GAA: variants seen among roughly 807,000 people sequenced by gnomAD.
GAA encodes the protein lysosomal alpha-glucosidase.
GAA carries 88 observed loss-of-function variants against 103.9 expected under a neutral mutation model. The observed-to-expected ratio is 0.85, with a 90% CI of 0.71 to 1.01. The LOEUF (loss-of-function observed/expected upper bound fraction) is 1.01, where lower values mean the gene tolerates loss of function less well. Among genes scored for constraint, GAA ranks in the 50% least tolerant of loss-of-function variants. GAA has a pLI of 0.00. For missense variants in GAA, 1,350 were observed against 1,305.3 expected, an observed-to-expected ratio of 1.03 and a Z score of -0.53; for synonymous variants, 572 against 563.1, an observed-to-expected ratio of 1.02 and a Z score of -0.22.
Position 80,119,627 on chromosome 17 carries a change from G to A in GAA, c.*296G>A, listed in dbSNP as rs1192883381. 3.1e-5 allele frequency: 13 copies of A among 414,044 alleles called. No homozygotes were observed. The highest frequency in any genetic ancestry group is 2.3e-4 in the South Asian group (11 of 48,000). The allele number at this position is 414,044 out of a possible 1,614,324, so 25.6% of individuals were successfully genotyped here. Reference sequence around the variant, plus strand: ...CTCCTCACCTGTTGCCGGCATGCGGGTAGTATTAGCCACCCCCCTCCATCT... The same window carrying A: ...CTCCTCACCTGTTGCCGGCATGCGGATAGTATTAGCCACCCCCCTCCATCT... On this transcript the variant is annotated 3_prime_UTR_variant, in exon 20 of 20. Coordinates refer to ENST00000302262, the MANE Select transcript of GAA (RefSeq NM_000152.5).
intron 1 of GAA, among the ~76,000 whole-genome samples, chr17:80,103,123 A>G (rs1213788654): frequency 6.6e-6 from 1 of 152,196 alleles, no homozygotes; most frequent in Non-Finnish European, 1.5e-5. Flanking sequence ...GTAACATGAC[A>G]TGACAGGTCA....
chr17:80,119,681 A>G lies in GAA; in HGVS notation c.*350A>G. On this transcript the variant is annotated 3_prime_UTR_variant, in exon 20 of 20. Transcript: ENST00000302262. Reference sequence around the variant, plus strand: ...CCCAGCACCGGAGAAGGGGGTGCTCAGGTGGAGGTGTGGGGTATGCACCTG... The same window carrying G: ...CCCAGCACCGGAGAAGGGGGTGCTCGGGTGGAGGTGTGGGGTATGCACCTG... 2.8e-6 allele frequency: 1 copy of G among 356,884 alleles called. No individual in the cohort carries two copies. Among genetic ancestry groups the G allele is most frequent in the South Asian group, 2.3e-5 (1 of 44,304 alleles). The allele number at this position is 356,884 out of a possible 1,614,324, so 22.1% of individuals were successfully genotyped here.
chr17:80,114,966 C>T lies in GAA; in HGVS notation c.2189+1600C>T, dbSNP rs60668271. Among the ~76,000 whole-genome samples, 8,860 of 152,202 alleles carry T rather than the reference C, an allele frequency of 0.058. 516 individuals are homozygous for T. Among genetic ancestry groups the T allele is most frequent in the South Asian group, 0.15 (736 of 4,818 alleles). Reference sequence around the variant, plus strand: ...TTTGAACTTGTCAGCCCATGGCCTCCGTGGTTTCTGCTGAGTAGCTTCTGT... The same window carrying T: ...TTTGAACTTGTCAGCCCATGGCCTCTGTGGTTTCTGCTGAGTAGCTTCTGT... On this transcript the variant is annotated intron_variant, in intron 15 of 19. Transcript: ENST00000302262.
intron 18 of GAA, 43 bp from the exon 19 acceptor site, chr17:80,118,610 C>T: frequency 1.2e-6 from 2 of 1,607,506 alleles, no homozygotes; most frequent in South Asian, 1.1e-5. Context: ...TCTGCTGACA[C>T]CTCCACATTC....
chr17:80,112,939 G>A lies in GAA; in HGVS notation c.1952G>A (p.Gly651Asp), dbSNP rs939350425. 6.2e-7 allele frequency: 1 copy of A among 1,610,640 alleles called. No homozygotes were observed. The highest frequency in any genetic ancestry group is 1.7e-5 in the Admixed American group (1 of 59,746). The change falls in exon 14 of 20, where the codon GGC becomes GAC. Residue 651 changes from glycine (G) to aspartate (D), a missense_variant. Coordinates refer to ENST00000302262, the MANE Select transcript of GAA (RefSeq NM_000152.5). The part of the protein sequence containing the change: ...LVGADVCGFL[G>D]NTSEELCVRW... ...GGGGCCGACGTCTGCGGCTTCCTGGGCAACACCTCAGAGGAGCTGTGTGTG... is the reference window on the plus strand; with the variant it reads ...GGGGCCGACGTCTGCGGCTTCCTGGACAACACCTCAGAGGAGCTGTGTGTG...
chr17:80,118,793 C>A lies in GAA; in HGVS notation c.2787C>A (p.Ser929Arg). 1 of 1,613,308 alleles carries A rather than the reference C, an allele frequency of 6.2e-7. No individual in the cohort carries two copies. The highest frequency in any genetic ancestry group is 8.5e-7 in the Non-Finnish European group (1 of 1,180,028). ...NGVPVSNFTY[S>R]PDTKVLDICV... The stretch of plus-strand genomic sequence containing the variant: ...TCCCTGTCTCCAACTTCACCTACAG[C>A]CCCGACACCAAGGCAAGAGGGCCCA... The change falls in exon 19 of 20, where the codon AGC becomes AGA. Residue 929 changes from serine to arginine, a missense_variant. Ser to Arg is a moderately radical substitution (Grantham distance 110). Transcript: ENST00000302262.
chr17:80,102,683 A>G (rs2038982775), intron 1 of GAA: 1 of 152,390 alleles, frequency 6.6e-6, no homozygotes, highest in South Asian at 2.1e-4. Flanking sequence ...CATCTCTTCC[A>G]TACGGCTGTC....
In GAA at chr17:80,107,632, T is replaced by C. The variant is rs1257327726; in HGVS notation, c.768T>C (p.Tyr256=). ...LQLSTSLPSQ[Y]ITGLAEHLSP... Reference sequence around the variant, plus strand: ...TGTCCACCTCGCTGCCCTCGCAGTATATCACAGGCCTCGCCGAGCACCTCA... The same window carrying C: ...TGTCCACCTCGCTGCCCTCGCAGTACATCACAGGCCTCGCCGAGCACCTCA... Residue 256 remains tyrosine, a synonymous_variant, in exon 4 of 20, where the codon TAT becomes TAC. Coordinates refer to ENST00000302262, the MANE Select transcript of GAA (RefSeq NM_000152.5). 6.2e-7 allele frequency: 1 copy of C among 1,613,026 alleles called. No individual in the cohort carries two copies. Among genetic ancestry groups the C allele is most frequent in the Non-Finnish European group, 8.5e-7 (1 of 1,179,866 alleles).
In GAA at chr17:80,104,845, A is replaced by C. The variant is rs776261707; in HGVS notation, c.259A>C (p.Asn87His). The C allele has an allele frequency of 1.2e-6, 2 of 1,612,696 alleles. No homozygotes were observed. Among genetic ancestry groups the C allele is most frequent in the Non-Finnish European group, 1.7e-6 (2 of 1,179,884 alleles). ...AVPTQCDVPP[N>H]SRFDCAPDKA... ...GCCCACACAGTGCGACGTCCCCCCC[A>C]ACAGCCGCTTCGATTGCGCCCCTGA... is the stretch of plus-strand genomic sequence containing the variant. The change falls in exon 2 of 20, where the codon AAC becomes CAC. Residue 87 changes from asparagine to histidine, a missense_variant. Coordinates refer to ENST00000302262, the MANE Select transcript of GAA (RefSeq NM_000152.5). The surrounding 1 kb of genome is among the most constrained non-coding windows in gnomAD (Gnocchi z 4.0).
At chr17:80,103,745 G>T (rs1415590597) in intron 1 of GAA, among the ~76,000 whole-genome samples, 1 of 152,168 alleles carries the variant, frequency 6.6e-6, no homozygotes, top group African/African-American at 2.4e-5. Context: ...GCCGGGAGGG[G>T]TTCTGATCTG....
At chr17:80,116,464 T>C (rs2039354749) in intron 15 of GAA, among the ~76,000 whole-genome samples, 1 of 152,232 alleles carries the variant, frequency 6.6e-6, no homozygotes, top group African/African-American at 2.4e-5. Context: ...AGGGCAGAGC[T>C]GCGTCACAGG....
chr17:80,113,011 A>G lies in GAA; in HGVS notation c.2024A>G (p.Asn675Ser), dbSNP rs554975651. The change falls in exon 14 of 20, where the codon AAC (asparagine) becomes AGC (serine). Residue 675 changes from asparagine (N) to serine (S), a missense_variant. Transcript: ENST00000302262. The part of the protein sequence containing the change: ...GAFYPFMRNH[N>S]SLLSLPQEPY... ...TTCTACCCCTTCATGCGGAACCACA[A>G]CAGCCTGCTCAGTCTGGTAGGGTGG... The G allele has an allele frequency of 6.2e-7, 1 of 1,610,148 alleles. No homozygotes were observed. The highest frequency in any genetic ancestry group is 8.5e-7 in the Non-Finnish European group (1 of 1,178,842).
rs772727792 is a variant in GAA, at chr17:80,117,123, C to T, written c.2331+14C>T. 2 of 1,611,738 alleles carry T rather than the reference C, an allele frequency of 1.2e-6. No homozygotes were observed. Among genetic ancestry groups the T allele is most frequent in the Non-Finnish European group, 8.5e-7 (1 of 1,179,906 alleles). ...GACCTGCAGACGGTGAGTCTGGGGACCCTAAGCCCTGGGGAGACGGGAGAC... is the reference window on the plus strand; with the variant it reads ...GACCTGCAGACGGTGAGTCTGGGGATCCTAAGCCCTGGGGAGACGGGAGAC... On this transcript the variant is annotated intron_variant, in intron 16 of 19. Transcript: ENST00000302262.
In GAA at chr17:80,112,628, C is replaced by G. The variant is rs753034060; in HGVS notation, c.1805C>G (p.Thr602Ser). ...GTRPFVISRS[T>S]FAGHGRYAGH... ...CGCCCATTTGTGATCTCCCGCTCGA[C>G]CTTTGCTGGCCACGGCCGATACGCC... Residue 602 changes from threonine to serine, a missense_variant, in exon 13 of 20, where the codon ACC becomes AGC. Thr to Ser is a moderately conservative substitution (Grantham distance 58). Coordinates refer to ENST00000302262, the MANE Select transcript of GAA (RefSeq NM_000152.5). The G allele has an allele frequency of 1.2e-6, 2 of 1,613,030 alleles. No individual in the cohort carries two copies. Among genetic ancestry groups the G allele is most frequent in the Non-Finnish European group, 1.7e-6 (2 of 1,179,978 alleles).
chr17:80,118,816 C>T lies in GAA; in HGVS notation c.2799+11C>T. 1 of 1,612,748 alleles carries T rather than the reference C, an allele frequency of 6.2e-7. No individual in the cohort carries two copies. Among genetic ancestry groups the T allele is most frequent in the Non-Finnish European group, 8.5e-7 (1 of 1,180,012 alleles). Reference sequence around the variant, plus strand: ...AGCCCCGACACCAAGGCAAGAGGGCCCAGAGTGGCACAGGGATCGCGTCCC... The same window carrying T: ...AGCCCCGACACCAAGGCAAGAGGGCTCAGAGTGGCACAGGGATCGCGTCCC... On this transcript the variant is annotated intron_variant, in intron 19 of 19. Transcript: ENST00000302262.
At position 80,117,551 on chromosome 17, in the gene GAA, T is replaced by C. The variant is rs911101610; in HGVS notation, c.2332-49T>C. 1.2e-5 allele frequency: 19 copies of C among 1,608,616 alleles called. No homozygotes were observed. In the African/African-American group the frequency reaches 2.4e-4, roughly 20 times the overall value. Reference sequence around the variant, plus strand: ...GAGAGCGTGGTTCCTGAGGACAGCATGGGGGCCTCGGCACGGCCCAGAATC... The same window carrying C: ...GAGAGCGTGGTTCCTGAGGACAGCACGGGGGCCTCGGCACGGCCCAGAATC... On this transcript the variant is annotated intron_variant, in intron 16 of 19. Transcript: ENST00000302262.
intron 13 of GAA, 49 bp from the exon 14 acceptor site, chr17:80,112,827 C>T (rs1394504853): frequency 1.9e-6 from 3 of 1,589,384 alleles, no homozygotes; most frequent in African/African-American, 2.7e-5. Flanking sequence ...TTGGCCTGAG[C>T]TGGCTCTGCT....
At chr17:80,111,859 C>A in intron 11 of GAA, 124 bp from the exon 12 acceptor site, 1 of 761,034 alleles carries the variant, frequency 1.3e-6, no homozygotes, top group Non-Finnish European at 2.2e-6. Context: ...TGCAGGTGCA[C>A]CTCCAGGGCC....
chr17:80,105,685 G>A (rs996415862), intron 2 of GAA, 64 bp from the exon 3 acceptor site: 12 of 1,589,822 alleles, frequency 7.5e-6, no homozygotes, highest in African/African-American at 2.7e-5. Flanking sequence ...TCCTTGGCGT[G>A]CGGGTTGTTC....
Sources: allele counts gnomAD v4.1 joint callset (sites outside exome capture counted in the v4.1 genomes callset), GRCh38; gene constraint gnomAD v4.1.1; non-coding constraint Gnocchi (gnomAD v3.1); transcripts MANE v1.5; gene names NCBI Gene and HGNC (gene_info 2026-07-23, HGNC 2026-07-21).